The following GABRB3 variants were observed in gnomAD, a reference collection of about 807,000 sequenced individuals.
GABRB3 encodes the protein gamma-aminobutyric acid receptor subunit beta-3.
Under a neutral mutation model 52.1 loss-of-function variants are expected in GABRB3, and 14 were observed. That is an observed-to-expected ratio of 0.27 (90% CI 0.18 to 0.42). GABRB3 has a LOEUF of 0.42. GABRB3 is among the 10% of genes least tolerant of loss of function. GABRB3 has a pLI of 1.00. For missense variants in GABRB3, 307 were observed against 609.1 expected, an observed-to-expected ratio of 0.50 and a Z score of 5.22; for synonymous variants, 260 against 232.3, an observed-to-expected ratio of 1.12 and a Z score of -1.08.
chr15:26,615,812 G>A (rs1892232373), intron 4 of GABRB3: 4 of 1,193,964 alleles, frequency 3.4e-6, no homozygotes, highest in African/African-American at 1.6e-5. Context: ...CAAGGTGAGA[G>A]CCAATCTCAG....
At chr15:26,731,441 C>T (rs780548316) in intron 3 of GABRB3, among the ~76,000 whole-genome samples, 3 of 152,200 alleles carry the variant, frequency 2.0e-5, no homozygotes, top group Non-Finnish European at 4.4e-5. Flanking sequence ...ATGGACCTCA[C>T]TTTGGAGTCC....
At chr15:26,614,526 C>A (rs1892187714) in intron 4 of GABRB3, 1 of 152,084 alleles carries the variant, frequency 6.6e-6, no homozygotes, top group South Asian at 2.1e-4. Flanking sequence ...TTGGCATAAT[C>A]CCATCTGGTA....
chr15:26,743,497 T>C (rs1266802396), intron 3 of GABRB3, among the ~76,000 whole-genome samples: 1 of 152,204 alleles, frequency 6.6e-6, no homozygotes, highest in Non-Finnish European at 1.5e-5. Flanking sequence ...TTTTGGCTAC[T>C]GGTATATATT....
Position 26,764,179 on chromosome 15 carries a change from AATATATATATATATATATATATATATAT to A in GABRB3, c.240+8195_240+8222del, listed in dbSNP as rs59007360. Among the ~76,000 whole-genome samples the A allele has an allele frequency of 1.0e-3, 15 of 14,402 alleles. 2 individuals carry two copies. Among genetic ancestry groups the A allele is most frequent in the African/African-American group, 2.7e-3 (11 of 4,146 alleles). The allele number at this position is 14,402 out of a possible 152,430, so 9.4% of individuals were successfully genotyped here. On this transcript the variant is annotated intron_variant, in intron 3 of 8. Coordinates refer to ENST00000311550, the MANE Select transcript of GABRB3 (RefSeq NM_000814.6). ...AAAAAAAAAAAAAAAAAAAAAAAAA[AATATATATATATATATATATATATATAT>A]ATATATATATATATATATATATATA...
intron 3 of GABRB3, among the ~76,000 whole-genome samples, chr15:26,732,275 T>G (rs1369710962): frequency 6.7e-6 from 1 of 149,622 alleles, no homozygotes; most frequent in Non-Finnish European, 1.5e-5. Flanking sequence ...GATGGATGGA[T>G]GAATAGATGG....
rs1217248492 is a variant in GABRB3 at position 26,544,261 on chromosome 15, A to T, written c.*3532T>A. On this transcript the variant is annotated 3_prime_UTR_variant, in exon 9 of 9. Coordinates refer to ENST00000311550, the MANE Select transcript of GABRB3 (RefSeq NM_000814.6). ...CCAATGGTGGGACAAACACCAATGG[A>T]TTATCTACTAGATGCTGAAAATGAA... 1 of 152,618 alleles carries T rather than the reference A, an allele frequency of 6.6e-6. No homozygotes were observed. The highest frequency in any genetic ancestry group is 2.4e-5 in the African/African-American group (1 of 41,448). The allele number at this position is 152,618 out of a possible 1,614,324, so 9.5% of individuals were successfully genotyped here. A position where few individuals can be genotyped will look rare whatever the true frequency, so the allele number is the denominator to read the frequency against.
At chr15:26,551,274 T>A (rs1889451308) in intron 8 of GABRB3, among the ~76,000 whole-genome samples, 1 of 152,136 alleles carries the variant, frequency 6.6e-6, no homozygotes, top group South Asian at 2.1e-4. Context: ...ACTTCTGAAG[T>A]GCAACTCAAG....
chr15:26,717,081 C>T lies in GABRB3; in HGVS notation c.240+55321G>A, dbSNP rs59951315. ...TCCCTCCGATGACAGCCCAGCTCTG[C>T]GGACATCCACCCAATGACAGCCCAG... On this transcript the variant is annotated intron_variant, in intron 3 of 8. Coordinates refer to ENST00000311550, the MANE Select transcript of GABRB3 (RefSeq NM_000814.6). Among the ~76,000 whole-genome samples the T allele has an allele frequency of 1.8e-3, 185 of 104,358 alleles. 8 individuals carry two copies. The East Asian group carries it at 0.038, about 21-fold the overall frequency. The allele number at this position is 104,358 out of a possible 152,430, so 68.5% of individuals were successfully genotyped here.
intron 3 of GABRB3, among the ~76,000 whole-genome samples, chr15:26,648,579 T>C (rs914965449): frequency 1.3e-5 from 2 of 151,860 alleles, no homozygotes; most frequent in African/African-American, 4.8e-5. Flanking sequence ...GGAGGAACAG[T>C]GAGGGAGCGG....
In GABRB3 at chr15:26,554,174, AAG is replaced by A. The variant is rs1567097582; in HGVS notation, c.1081-6042_1081-6041del. ...TATATATATAAAGTATATATATATA[AAG>A]TATATATATATATACTATATATATA... On this transcript the variant is annotated intron_variant, in intron 8 of 8. Transcript: ENST00000311550. 6.5e-4 allele frequency among the ~76,000 whole-genome samples: 18 copies of A among 27,568 alleles called. No individual in the cohort carries two copies. In the East Asian group the frequency reaches 0.022, roughly 34 times the overall value. 18.1% of individuals were successfully genotyped at this position (27,568 alleles called of 152,430 possible).
intron 8 of GABRB3, among the ~76,000 whole-genome samples, chr15:26,554,037 T>TATAGATATATATA (rs59100810): frequency 1.7e-5 from 1 of 58,486 alleles, no homozygotes; most frequent in Non-Finnish European, 3.2e-5. Context: ...ATATATATAT[T>TATAGATATATATA]TATTTATTTA....
intron 3 of GABRB3, among the ~76,000 whole-genome samples, chr15:26,712,850 T>C (rs930413573): frequency 2.0e-5 from 3 of 151,998 alleles, no homozygotes; most frequent in African/African-American, 2.4e-5. Context: ...GAGCAGAGGC[T>C]GAGGAGATGT....
intron 4 of GABRB3, among the ~76,000 whole-genome samples, chr15:26,598,153 T>A (rs1027864123): frequency 2.0e-5 from 3 of 151,992 alleles, no homozygotes; most frequent in Non-Finnish European, 4.4e-5. Context: ...ATTTTACACC[T>A]CCCTGAACAA....
At chr15:26,561,950 T>C (rs544141244) in intron 7 of GABRB3, among the ~76,000 whole-genome samples, 1 of 152,348 alleles carries the variant, frequency 6.6e-6, no homozygotes, top group African/African-American at 2.4e-5. Flanking sequence ...AGATCCTTTT[T>C]TTAAATGTCG....
intron 3 of GABRB3, among the ~76,000 whole-genome samples, chr15:26,669,815 T>C (rs1237750513): frequency 6.6e-6 from 1 of 152,214 alleles, no homozygotes; most frequent in Non-Finnish European, 1.5e-5. Context: ...GTAAGAGCTC[T>C]GAGTTGTTTC....
rs561883650 is a variant in GABRB3 at position 26,566,161 on chromosome 15, T to C, written c.835+1420A>G. Among the ~76,000 whole-genome samples, 35 of 152,290 alleles carry C rather than the reference T, an allele frequency of 2.3e-4. No homozygotes were observed. The South Asian group carries it at 7.1e-3, about 31-fold the overall frequency. ...TTTTTTTAGAGAACTGTGCTTATGATACCTATTAGAAATACATAACAATTA... is the reference window on the plus strand; with the variant it reads ...TTTTTTTAGAGAACTGTGCTTATGACACCTATTAGAAATACATAACAATTA... On this transcript the variant is annotated intron_variant, in intron 7 of 8. Transcript: ENST00000311550.
intron 8 of GABRB3, among the ~76,000 whole-genome samples, chr15:26,548,845 G>C (rs1889356308): frequency 6.6e-6 from 1 of 152,162 alleles, no homozygotes; most frequent in South Asian, 2.1e-4. Flanking sequence ...TCTGTTTGTG[G>C]GTTGGTCTGC....
At chr15:26,669,275 T>C (rs189958377) in intron 3 of GABRB3, among the ~76,000 whole-genome samples, 142 of 152,154 alleles carry the variant, frequency 9.3e-4, no homozygotes, top group Non-Finnish European at 1.4e-3. Flanking sequence ...TAGGGAAGTA[T>C]CTCCAAAATT....
At chr15:26,551,827 T>C (rs1030224892) in intron 8 of GABRB3, among the ~76,000 whole-genome samples, 6 of 151,448 alleles carry the variant, frequency 4.0e-5, no homozygotes, top group Non-Finnish European at 8.8e-5. Flanking sequence ...GGCTGAGTGC[T>C]TGGAGATGGG....
Sources: allele counts gnomAD v4.1 joint callset (sites outside exome capture counted in the v4.1 genomes callset), GRCh38; gene constraint gnomAD v4.1.1; transcripts MANE v1.5; gene names NCBI Gene and HGNC (gene_info 2026-07-23, HGNC 2026-07-21).